RBL1: variants seen among roughly 807,000 people sequenced by gnomAD.
The protein encoded by RBL1 is RB transcriptional corepressor like 1, also known as retinoblastoma-like protein 1.
In RBL1, 82 loss-of-function variants were observed where a neutral mutation model predicts 123.0. The observed-to-expected ratio is 0.67, with a 90% confidence interval of 0.56 to 0.80. The LOEUF is 0.80. Among genes scored for constraint, RBL1 ranks in the 30% least tolerant of loss-of-function variants. RBL1 has a pLI of 0.00. For synonymous variants in RBL1, 405 were observed against 441.3 expected (o/e 0.92, Z 1.03); for missense variants, 1,171 against 1,299.6 (o/e 0.90, Z 1.52).
intron 13 of RBL1, among the ~76,000 whole-genome samples, chr20:37,040,744 G>A (rs1394510297): frequency 6.6e-6 from 1 of 152,154 alleles, no homozygotes; most frequent in African/African-American, 2.4e-5. Flanking sequence ...AATTCTTAAT[G>A]TTAACGAACG....
intron 11 of RBL1, among the ~76,000 whole-genome samples, chr20:37,048,978 G>T (rs1437536950): frequency 6.6e-6 from 1 of 151,454 alleles, no homozygotes; most frequent in East Asian, 1.9e-4. Context: ...GAGGGGGGTG[G>T]ATTACCTGAG....
At chr20:37,070,279 C>G (rs185771099) in intron 2 of RBL1, among the ~76,000 whole-genome samples, 14 of 152,016 alleles carry the variant, frequency 9.2e-5, no homozygotes, top group African/African-American at 2.7e-4. Flanking sequence ...CAGCATGCTC[C>G]TTAAGAGTCA....
chr20:37,065,865 T>C (rs902618096), intron 6 of RBL1, among the ~76,000 whole-genome samples: 2 of 152,294 alleles, frequency 1.3e-5, no homozygotes, highest in African/African-American at 4.8e-5. Context: ...CCACCTGCCT[T>C]GGCCTCCCAA....
intron 15 of RBL1, 143 bp from the exon 16 acceptor site, chr20:37,033,019 T>TC: frequency 2.0e-5 from 2 of 98,012 alleles, no homozygotes; most frequent in East Asian, 7.2e-4. Context: ...GACTGAATTC[T>TC]TTTTTTTTTT....
chr20:37,086,605 T>C (rs983073157), intron 2 of RBL1, among the ~76,000 whole-genome samples: 2 of 152,298 alleles, frequency 1.3e-5, no homozygotes, highest in South Asian at 2.1e-4. Flanking sequence ...CATTTCTGAA[T>C]AGGGCTTTAA....
At position 37,056,239 on chromosome 20, in the gene RBL1, C is replaced by T. The variant is rs148543420; in HGVS notation, c.1270G>A (p.Val424Met). 6.2e-6 allele frequency: 10 copies of T among 1,606,882 alleles called. No homozygotes were observed. The highest frequency in any genetic ancestry group is 1.3e-5 in the African/African-American group (1 of 74,492). The change falls in exon 10 of 22, where the codon GTG (valine) becomes ATG (methionine). Residue 424 changes from valine (V) to methionine (M), a missense_variant. By Grantham distance (21) the Val-to-Met change is conservative (BLOSUM62 1). Coordinates refer to ENST00000373664, the MANE Select transcript of RBL1 (RefSeq NM_002895.5). ...NIFESCVRNP[V>M]ENIMKILKGI... ...TTTAGTATTTTCATAATGTTTTCCA[C>T]AGGATTACGCACACAAGATCTACAA...
chr20:37,066,109 C>A (rs1047327586), intron 6 of RBL1, among the ~76,000 whole-genome samples: 1 of 152,110 alleles, frequency 6.6e-6, no homozygotes, highest in Admixed American at 6.6e-5. Flanking sequence ...AATCCAAACC[C>A]CTCCTTTTAC....
At chr20:37,054,815 G>A (rs1810303555) in intron 11 of RBL1, among the ~76,000 whole-genome samples, 1 of 151,876 alleles carries the variant, frequency 6.6e-6, no homozygotes, top group South Asian at 2.1e-4. Flanking sequence ...GGGCAACAGA[G>A]CAAGACTCAG....
At chr20:37,036,926 T>C (rs987686652) in intron 14 of RBL1, among the ~76,000 whole-genome samples, 2 of 152,160 alleles carry the variant, frequency 1.3e-5, no homozygotes, top group Non-Finnish European at 2.9e-5. Context: ...CGCCTGGCCC[T>C]GTAATCTATT....
chr20:37,043,066 T>C (rs1310334573), intron 13 of RBL1, among the ~76,000 whole-genome samples: 1 of 152,052 alleles, frequency 6.6e-6, no homozygotes, highest in Non-Finnish European at 1.5e-5. Flanking sequence ...TCTAGCACTT[T>C]GGGAGGCTGA....
intron 13 of RBL1, 86 bp from the exon 14 acceptor site, chr20:37,040,371 A>G: frequency 2.6e-6 from 4 of 1,519,054 alleles, no homozygotes; most frequent in Admixed American, 2.1e-5. Context: ...TCTTTTTTTG[A>G]GATAAAGTCT....
intron 21 of RBL1, among the ~76,000 whole-genome samples, chr20:37,001,918 TAAAAAAA>T (rs757774894): frequency 5.8e-5 from 5 of 86,544 alleles, no homozygotes; most frequent in South Asian, 4.5e-4. Flanking sequence ...TGCAGAACAA[TAAAAAAA>T]AAAAAAAAAA....
chr20:37,000,724 G>C (rs1389794062), intron 21 of RBL1, among the ~76,000 whole-genome samples: 6 of 131,780 alleles, frequency 4.6e-5, no homozygotes, highest in Non-Finnish European at 8.3e-5. Flanking sequence ...GGGAGGCGGG[G>C]AGGTCAGCCC....
intron 15 of RBL1, among the ~76,000 whole-genome samples, chr20:37,034,080 A>G (rs1160601275): frequency 1.3e-5 from 2 of 152,050 alleles, no homozygotes; most frequent in East Asian, 3.9e-4. Flanking sequence ...CTGGGACCAT[A>G]GGCATACATC....
chr20:37,058,949 G>T (rs879476145), intron 9 of RBL1, among the ~76,000 whole-genome samples: 2 of 151,986 alleles, frequency 1.3e-5, no homozygotes, highest in Admixed American at 1.3e-4. Flanking sequence ...GCTCAGGCTG[G>T]TCTTAAACTC....
At chr20:37,038,032 C>T (rs1600508754) in intron 14 of RBL1, among the ~76,000 whole-genome samples, 1 of 145,284 alleles carries the variant, frequency 6.9e-6, no homozygotes, top group East Asian at 2.0e-4. Flanking sequence ...TTGCTCTGTC[C>T]CCAGGCTGGA....
rs111665124 is a variant in RBL1, at chr20:37,014,864, A to G, written c.2722+3415T>C. On this transcript the variant is annotated intron_variant, in intron 19 of 21. Coordinates refer to ENST00000373664, the MANE Select transcript of RBL1 (RefSeq NM_002895.5). ...GAATACCTGAGATCAGGAGTTCAAG[A>G]CCAGCCTGGCCAACATAGCAAAACC... 4.1e-3 allele frequency among the ~76,000 whole-genome samples: 618 copies of G among 152,236 alleles called. 8 individuals are homozygous for G. Among genetic ancestry groups the G allele is most frequent in the African/African-American group, 0.014 (595 of 41,534 alleles).
At chr20:37,049,438 ACTCTTCAT>A in intron 11 of RBL1, 1 of 751,982 alleles carries the variant, frequency 1.3e-6, no homozygotes, top group Non-Finnish European at 2.4e-6. Flanking sequence ...AAAGGAGTCT[ACTCTTCAT>A]CTTGTGTTGA....
chr20:36,999,761 C>T (rs1371993349), intron 21 of RBL1, among the ~76,000 whole-genome samples: 1 of 152,354 alleles, frequency 6.6e-6, no homozygotes, highest in Non-Finnish European at 1.5e-5. Flanking sequence ...CCCGAGGTGC[C>T]GGGATGGCAG....
Sources: gnomAD v4.1 joint callset for allele counts (sites outside exome capture counted in the v4.1 genomes callset) on GRCh38, gnomAD v4.1.1 for gene constraint, MANE v1.5 for transcripts, NCBI Gene and HGNC (gene_info 2026-07-23, HGNC 2026-07-21) for gene names.